Variants in SKAP1 observed in about 807,000 individuals in gnomAD.
SKAP1 encodes the protein src kinase associated phosphoprotein 1, also known as src kinase-associated phosphoprotein 1.
A neutral mutation model predicts 58.5 loss-of-function variants in SKAP1; 44 were observed. That is an observed-to-expected ratio of 0.75 (90% CI 0.59 to 0.97). SKAP1 has a LOEUF of 0.97. Ranked by LOEUF, SKAP1 falls within the 50% of genes least tolerant of loss-of-function variation. The pLI is 0.00. For missense variants in SKAP1, 390 were observed against 435.2 expected (o/e 0.90, Z 0.92); for synonymous variants, 127 against 149.7 (o/e 0.85, Z 1.11).
chr17:48,196,470 T>C (rs537421014), intron 4 of SKAP1, among the ~76,000 whole-genome samples: 1 of 152,330 alleles, frequency 6.6e-6, no homozygotes, highest in East Asian at 1.9e-4. Context: ...TATTGTGTGA[T>C]GCTGAGGTTT....
intron 4 of SKAP1, among the ~76,000 whole-genome samples, chr17:48,279,714 A>G (rs1374287003): frequency 6.6e-6 from 1 of 152,234 alleles, no homozygotes; most frequent in African/African-American, 2.4e-5. Flanking sequence ...TGTTACCTAA[A>G]GAAGTATATT....
In SKAP1 at chr17:48,343,564, C is replaced by A. The variant is rs866197950; in HGVS notation, c.280+2341G>T. ...ACTTTGGGAATTCTTTAATTTCATG[C>A]ATAGAACTAAAAACAAAAATTTATT... On this transcript the variant is annotated intron_variant, in intron 4 of 12. Coordinates refer to ENST00000336915, the MANE Select transcript of SKAP1 (RefSeq NM_003726.4). 1.8e-4 allele frequency among the ~76,000 whole-genome samples: 27 copies of A among 152,152 alleles called. No individual in the cohort carries two copies. In the Middle Eastern group the frequency reaches 0.01, roughly 58 times the overall value.
intron 4 of SKAP1, among the ~76,000 whole-genome samples, chr17:48,273,766 T>C (rs1466689717): frequency 6.6e-6 from 1 of 152,146 alleles, no homozygotes; most frequent in Admixed American, 6.5e-5. Context: ...TTGTATAGTC[T>C]CTATTAGTGA....
At chr17:48,235,411 A>C (rs1312275971) in intron 4 of SKAP1, among the ~76,000 whole-genome samples, 1 of 151,922 alleles carries the variant, frequency 6.6e-6, no homozygotes, top group Non-Finnish European at 1.5e-5. Context: ...TCAAGTTTGA[A>C]CAGCCTCAAA....
chr17:48,346,664 T>C (rs79795436), intron 3 of SKAP1, among the ~76,000 whole-genome samples: 6,735 of 152,080 alleles, frequency 0.044, 312 homozygotes, highest in South Asian at 0.25. Flanking sequence ...ATATACTATG[T>C]CTCCAATAAT....
intron 9 of SKAP1, among the ~76,000 whole-genome samples, chr17:48,178,027 T>A (rs1010347587): frequency 6.6e-6 from 1 of 152,118 alleles, no homozygotes; most frequent in African/African-American, 2.4e-5. Flanking sequence ...CACTCCAACA[T>A]ACCAGCTGGT....
Position 48,184,804 on chromosome 17 carries a change from T to G in SKAP1, c.486A>C (p.Val162=). Residue 162 remains valine (V), a synonymous_variant, in exon 7 of 13, where the codon GTA becomes GTC. Transcript: ENST00000336915. ...CTCTTCGCAGGTGGGGGGCCATCCG[T>G]ACACCGTAGCCCTTAATGAGGAAGG... ...KGTFLIKGYG[V]RMAPHLRRDS... 6.2e-7 allele frequency: 1 copy of G among 1,613,992 alleles called. No homozygotes were observed. Among genetic ancestry groups the G allele is most frequent in the Non-Finnish European group, 8.5e-7 (1 of 1,179,904 alleles).
At chr17:48,317,654 T>C (rs2066306770) in intron 4 of SKAP1, among the ~76,000 whole-genome samples, 1 of 152,222 alleles carries the variant, frequency 6.6e-6, no homozygotes, top group South Asian at 2.1e-4. Flanking sequence ...TACATCTTAG[T>C]ATCTTTATCT....
intron 2 of SKAP1, among the ~76,000 whole-genome samples, chr17:48,383,147 C>T (rs527323641): frequency 6.0e-4 from 92 of 152,290 alleles, no homozygotes; most frequent in African/African-American, 1.8e-3. Context: ...AATCCTCACC[C>T]GGCTTTTAGT....
chr17:48,350,702 C>A (rs2066788043), intron 3 of SKAP1, among the ~76,000 whole-genome samples: 1 of 151,934 alleles, frequency 6.6e-6, no homozygotes, highest in Admixed American at 6.6e-5. Flanking sequence ...ATCTCAAAAA[C>A]AAACAAACAA....
chr17:48,326,211 G>A (rs185854848), intron 4 of SKAP1, among the ~76,000 whole-genome samples: 1 of 152,112 alleles, frequency 6.6e-6, no homozygotes. Context: ...CATACATCCT[G>A]CTCTTTGCCA....
chr17:48,200,011 C>A (rs1345779273), intron 4 of SKAP1, among the ~76,000 whole-genome samples: 1 of 152,012 alleles, frequency 6.6e-6, no homozygotes, highest in Non-Finnish European at 1.5e-5. Flanking sequence ...AGGAGGAAGG[C>A]TGGCGCGGTG....
intron 11 of SKAP1, among the ~76,000 whole-genome samples, chr17:48,159,789 C>T (rs1178290400): frequency 6.6e-6 from 1 of 152,158 alleles, no homozygotes; most frequent in African/African-American, 2.4e-5. Flanking sequence ...TTAAGGTTCC[C>T]TCCTGTCCAA....
intron 4 of SKAP1, among the ~76,000 whole-genome samples, chr17:48,342,711 T>G (rs1046332036): frequency 1.3e-5 from 2 of 152,198 alleles, no homozygotes; most frequent in African/African-American, 4.8e-5. Context: ...CTAAAATAAC[T>G]GTCATTACAA....
intron 4 of SKAP1, among the ~76,000 whole-genome samples, chr17:48,243,598 T>C (rs1315479839): frequency 6.6e-6 from 1 of 152,202 alleles, no homozygotes; most frequent in Non-Finnish European, 1.5e-5. Context: ...ACATATATTG[T>C]GCTGATTGTT....
intron 1 of SKAP1, among the ~76,000 whole-genome samples, chr17:48,406,275 C>CA (rs1421395072): frequency 7.1e-6 from 1 of 141,802 alleles, no homozygotes; most frequent in Non-Finnish European, 1.6e-5. Context: ...AAAAAACAAA[C>CA]AAACAAAAAA....
At position 48,421,449 on chromosome 17, in the gene SKAP1, G is replaced by A. The variant is rs549390459; in HGVS notation, c.46+8626C>T. Among the ~76,000 whole-genome samples the A allele has an allele frequency of 6.6e-5, 10 of 151,998 alleles. No individual in the cohort carries two copies. In the East Asian group the frequency reaches 1.2e-3, roughly 18 times the overall value. On this transcript the variant is annotated intron_variant, in intron 1 of 12. Coordinates refer to ENST00000336915, the MANE Select transcript of SKAP1 (RefSeq NM_003726.4). ...CTCCTGAGTAGCTGGGATTACAGGC[G>A]CCTGCCACCATACCTGGATAATTTT...
intron 4 of SKAP1, among the ~76,000 whole-genome samples, chr17:48,280,114 C>T (rs1035435158): frequency 1.3e-5 from 2 of 152,088 alleles, no homozygotes; most frequent in Non-Finnish European, 2.9e-5. Context: ...AAAAAGAGTT[C>T]TGGAAAACAT....
At chr17:48,147,477 C>A (rs531174522) in intron 11 of SKAP1, among the ~76,000 whole-genome samples, 1 of 152,102 alleles carries the variant, frequency 6.6e-6, no homozygotes, top group African/African-American at 2.4e-5. Flanking sequence ...AATATCATAC[C>A]CTATGAAATA....
Sources: allele counts gnomAD v4.1 joint callset (sites outside exome capture counted in the v4.1 genomes callset), GRCh38; gene constraint gnomAD v4.1.1; transcripts MANE v1.5; gene names NCBI Gene and HGNC (gene_info 2026-07-23, HGNC 2026-07-21).